Variants in ADAMTS14 observed in about 807,000 individuals in gnomAD.
ADAMTS14 encodes A disintegrin and metalloproteinase with thrombospondin motifs 14.
Under a neutral mutation model 128.6 loss-of-function variants are expected in ADAMTS14, and 100 were observed. That is an observed-to-expected ratio of 0.78 (90% CI 0.66 to 0.92). The LOEUF (loss-of-function observed/expected upper bound fraction) is 0.92, where lower values mean the gene tolerates loss of function less well. ADAMTS14 is among the 40% of genes least tolerant of loss of function. The pLI is 0.00. For synonymous variants in ADAMTS14, 665 were observed against 653.8 expected (o/e 1.02, Z -0.26); for missense variants, 1,562 against 1,658.6 (o/e 0.94, Z 1.01).
intron 3 of ADAMTS14, among the ~76,000 whole-genome samples, chr10:70,705,482 C>T (rs1840636024): frequency 6.6e-6 from 1 of 152,252 alleles, no homozygotes; most frequent in Non-Finnish European, 1.5e-5. Flanking sequence ...CCATTTTAAC[C>T]ATTTTGAGGC....
At chr10:70,742,455 G>A (rs138227026) in intron 12 of ADAMTS14, among the ~76,000 whole-genome samples, 5,272 of 152,244 alleles carry the variant, frequency 0.035, 307 homozygotes, top group African/African-American at 0.12. Context: ...TGGTTCCTGT[G>A]GATGAAATCC....
intron 11 of ADAMTS14, among the ~76,000 whole-genome samples, chr10:70,739,627 A>G (rs1178741805): frequency 6.6e-6 from 1 of 152,126 alleles, no homozygotes; most frequent in Non-Finnish European, 1.5e-5. Context: ...GGCCAAGGCC[A>G]GCTGCATGGC....
rs900073176 is a variant in ADAMTS14, at chr10:70,761,783, G to A, written c.*930G>A. On this transcript the variant is annotated 3_prime_UTR_variant, in exon 22 of 22. Transcript: ENST00000373207. ...GTCCCTTCAATCATTGCCCTTCTCCGAAGATCGCTCCTGCTGGAGTCGGAC... is the reference window on the plus strand; with the variant it reads ...GTCCCTTCAATCATTGCCCTTCTCCAAAGATCGCTCCTGCTGGAGTCGGAC... 2 of 152,246 alleles carry A rather than the reference G, an allele frequency of 1.3e-5. No homozygotes were observed. The highest frequency in any genetic ancestry group is 4.8e-5 in the African/African-American group (2 of 41,448). The allele number at this position is 152,246 out of a possible 1,614,324, so 9.4% of individuals were successfully genotyped here.
chr10:70,673,419 TG>T (rs1287929903), intron 1 of ADAMTS14, among the ~76,000 whole-genome samples: 1 of 151,618 alleles, frequency 6.6e-6, no homozygotes, highest in African/African-American at 2.4e-5. Flanking sequence ...TCAAACGCTG[TG>T]GACACAGGTC....
intron 15 of ADAMTS14, 47 bp from the exon 16 acceptor site, chr10:70,749,775 G>A: frequency 1.3e-6 from 2 of 1,599,288 alleles, no homozygotes; most frequent in African/African-American, 1.3e-5. Flanking sequence ...CCCGCCCCCT[G>A]TGGAGAGGAG....
In ADAMTS14 at chr10:70,760,636, C is replaced by T. The variant is rs775512580; in HGVS notation, c.3455C>T (p.Pro1152Leu). 6.2e-7 allele frequency: 1 copy of T among 1,614,152 alleles called. No individual in the cohort carries two copies. The highest frequency in any genetic ancestry group is 2.2e-5 in the East Asian group (1 of 44,878). Reference protein sequence around the residue: ...DHQHGRATQLPGALDTSSPGT... With the variant: ...DHQHGRATQLLGALDTSSPGT... ...CAGCATGGCCGAGCCACACAGCTCCCAGGAGCTCTGGATACAAGCTCCCCA... is the reference window on the plus strand; with the variant it reads ...CAGCATGGCCGAGCCACACAGCTCCTAGGAGCTCTGGATACAAGCTCCCCA... The change falls in exon 22 of 22, where the codon CCA (proline) becomes CTA (leucine). Residue 1152 changes from proline to leucine, a missense_variant. By Grantham distance (98) the Pro-to-Leu change is moderately conservative. Coordinates refer to ENST00000373207, the MANE Select transcript of ADAMTS14 (RefSeq NM_080722.4).
chr10:70,687,247 C>T (rs1481923299), intron 2 of ADAMTS14, among the ~76,000 whole-genome samples: 3 of 109,890 alleles, frequency 2.7e-5, no homozygotes, highest in South Asian at 3.6e-4. Flanking sequence ...CTGACCCCCC[C>T]ACCTCCCTCC....
chr10:70,682,708 C>G (rs1839846393), intron 2 of ADAMTS14, among the ~76,000 whole-genome samples: 1 of 152,132 alleles, frequency 6.6e-6, no homozygotes, highest in Non-Finnish European at 1.5e-5. Context: ...GGAAAGAAGT[C>G]AAGAGCACCC....
intron 8 of ADAMTS14, among the ~76,000 whole-genome samples, chr10:70,734,348 G>A (rs912407726): frequency 6.6e-6 from 1 of 152,180 alleles, no homozygotes; most frequent in Admixed American, 6.5e-5. Context: ...AGCATTGCAG[G>A]TGATACTTAT....
At chr10:70,747,960 C>A (rs987997634) in intron 15 of ADAMTS14, among the ~76,000 whole-genome samples, 2 of 151,952 alleles carry the variant, frequency 1.3e-5, no homozygotes, top group African/African-American at 4.8e-5. Flanking sequence ...GCAGCCCTGG[C>A]GATGAAGGGA....
chr10:70,759,763 A>G (rs1842562241), intron 21 of ADAMTS14, among the ~76,000 whole-genome samples: 1 of 152,186 alleles, frequency 6.6e-6, no homozygotes, highest in African/African-American at 2.4e-5. Flanking sequence ...CCTGGGGTCT[A>G]GCCTGACCCT....
intron 2 of ADAMTS14, among the ~76,000 whole-genome samples, chr10:70,679,904 G>T (rs182610915): frequency 3.3e-5 from 5 of 152,114 alleles, no homozygotes; most frequent in Admixed American, 1.3e-4. Flanking sequence ...AAGCTCCTTC[G>T]GCACCTCCCT....
At chr10:70,754,562 G>C (rs1842434864) in intron 19 of ADAMTS14, among the ~76,000 whole-genome samples, 1 of 152,148 alleles carries the variant, frequency 6.6e-6, no homozygotes, top group Non-Finnish European at 1.5e-5. Flanking sequence ...CAAGCCACAG[G>C]AAGAGACCAA....
chr10:70,760,550 A>C lies in ADAMTS14; in HGVS notation c.3369A>C (p.Gly1123=). The change falls in exon 22 of 22, where the codon GGA becomes GGC. Residue 1123 remains glycine (G), a synonymous_variant. Coordinates refer to ENST00000373207, the MANE Select transcript of ADAMTS14 (RefSeq NM_080722.4). ...PFSTPGSPLP[G]PQDPADAAEP... is the part of the protein sequence containing the mutation. ...CCACTCCTGGAAGCCCCTTACCAGG[A>C]CCCCAGGACCCTGCAGATGCTGCAG... The C allele has an allele frequency of 6.2e-7, 1 of 1,612,108 alleles. No individual in the cohort carries two copies. The highest frequency in any genetic ancestry group is 8.5e-7 in the Non-Finnish European group (1 of 1,178,912).
chr10:70,672,909 G>A (rs1231646947), intron 1 of ADAMTS14, 25 bp downstream of exon 1: 2 of 1,440,282 alleles, frequency 1.4e-6, no homozygotes, highest in Admixed American at 2.9e-5. Flanking sequence ...GGCGCGCGGG[G>A]GCCCGTGGGG....
chr10:70,726,948 C>T (rs185604892), intron 4 of ADAMTS14, among the ~76,000 whole-genome samples: 48 of 152,342 alleles, frequency 3.2e-4, no homozygotes, highest in African/African-American at 1.1e-3. Flanking sequence ...TGGGCATTGG[C>T]ATTGTTCCTT....
At position 70,690,697 on chromosome 10, in the gene ADAMTS14, C is replaced by G. The variant is rs1390025978; in HGVS notation, c.523-11615C>G. 2.8e-5 allele frequency among the ~76,000 whole-genome samples: 4 copies of G among 145,158 alleles called. 1 individual carries two copies. Among genetic ancestry groups the G allele is most frequent in the Non-Finnish European group, 6.3e-5 (4 of 63,422 alleles). Reference sequence around the variant, plus strand: ...CTGGGACAGTGACCTGTGGGGCCCTCTCTTGGGCCTGTTCTCCACTGCCAA... The same window carrying G: ...CTGGGACAGTGACCTGTGGGGCCCTGTCTTGGGCCTGTTCTCCACTGCCAA... On this transcript the variant is annotated intron_variant, in intron 2 of 21. Transcript: ENST00000373207.
intron 2 of ADAMTS14, among the ~76,000 whole-genome samples, chr10:70,684,575 T>C (rs1282990105): frequency 2.0e-5 from 3 of 152,252 alleles, no homozygotes; most frequent in Non-Finnish European, 4.4e-5. Flanking sequence ...AGCCTCAGTT[T>C]ATGTATCTGT....
intron 19 of ADAMTS14, among the ~76,000 whole-genome samples, chr10:70,757,739 A>C (rs1444267150): frequency 6.6e-6 from 1 of 152,172 alleles, no homozygotes; most frequent in Admixed American, 6.5e-5. Context: ...ATGGCTCTTC[A>C]CCATTGGTAT....
Sources: gnomAD v4.1 joint callset for allele counts (sites outside exome capture counted in the v4.1 genomes callset) on GRCh38, gnomAD v4.1.1 for gene constraint, MANE v1.5 for transcripts, NCBI Gene and HGNC (gene_info 2026-07-23, HGNC 2026-07-21) for gene names.